ESR1: variants seen among roughly 807,000 people sequenced by gnomAD.
The protein encoded by ESR1 is estrogen receptor.
Under a neutral mutation model 52.7 loss-of-function variants are expected in ESR1, and 12 were observed. The observed-to-expected ratio is 0.23, with a 90% CI of 0.15 to 0.37. The LOEUF (loss-of-function observed/expected upper bound fraction) is 0.37, where lower values mean the gene tolerates loss of function less well. Among genes scored for constraint, ESR1 ranks in the 10% least tolerant of loss-of-function variants. ESR1 has a pLI of 1.00. For missense variants in ESR1, 584 were observed against 779.7 expected, an observed-to-expected ratio of 0.75 and a Z score of 2.99; for synonymous variants, 305 against 316.8, an observed-to-expected ratio of 0.96 and a Z score of 0.39.
intron 1 of ESR1, among the ~76,000 whole-genome samples, chr6:151,830,299 C>G (rs532128570): frequency 6.6e-6 from 1 of 152,134 alleles, no homozygotes; most frequent in African/African-American, 2.4e-5. Context: ...CTCTTCTCCT[C>G]CATTTGTATC....
exon 7 of ESR1, chr6:152,125,932 C>T (rs1354104046): frequency 6.6e-6 from 1 of 152,232 alleles, no homozygotes; most frequent in Non-Finnish European, 1.5e-5. Context: ...TTAATGCACC[C>T]CTCATCTTTG....
At chr6:151,869,302 AGCTGAATGCTGCATGGCATT>A (rs2083655124) in intron 2 of ESR1, among the ~76,000 whole-genome samples, 1 of 152,172 alleles carries the variant, frequency 6.6e-6, no homozygotes. Flanking sequence ...TCTACAGGTG[AGCTGAATGCTGCATGGCATT>A]GAAGTAATCA....
chr6:151,791,103 T>A (rs901979640), intron 2 of ESR1, among the ~76,000 whole-genome samples: 1 of 151,958 alleles, frequency 6.6e-6, no homozygotes, highest in Non-Finnish European at 1.5e-5. Flanking sequence ...AGGTGTGCAG[T>A]TTTAGGGGTC....
chr6:151,728,049 G>C (rs1432039506), intron 2 of ESR1, among the ~76,000 whole-genome samples: 2 of 152,144 alleles, frequency 1.3e-5, no homozygotes, highest in Non-Finnish European at 2.9e-5. Flanking sequence ...ATATCCAATG[G>C]GAGAGGAGAT....
chr6:151,696,471 CAAATAAATAAATAAATAAAT>C (rs59140265), intron 1 of ESR1, among the ~76,000 whole-genome samples: 101 of 136,478 alleles, frequency 7.4e-4, no homozygotes, highest in Middle Eastern at 3.6e-3. Flanking sequence ...GACTCCATCT[CAAATAAATAAATAAATAAAT>C]AAATAAATAA....
intron 5 of ESR1, among the ~76,000 whole-genome samples, chr6:152,035,023 G>T (rs2045157516): frequency 6.6e-6 from 1 of 152,178 alleles, no homozygotes; most frequent in African/African-American, 2.4e-5. Flanking sequence ...TATTTTGTTA[G>T]TCATGAGATA....
intron 5 of ESR1, among the ~76,000 whole-genome samples, chr6:152,059,783 GT>G (rs1286477189): frequency 6.6e-6 from 1 of 152,134 alleles, no homozygotes; most frequent in Non-Finnish European, 1.5e-5. Context: ...TGAATGAAAT[GT>G]TTTTAACAAC....
chr6:151,792,955 G>A (rs1249312324), intron 2 of ESR1, among the ~76,000 whole-genome samples: 1 of 152,064 alleles, frequency 6.6e-6, no homozygotes, highest in Admixed American at 6.5e-5. Flanking sequence ...CAGATCATGA[G>A]GTCAGGAGAT....
chr6:151,870,031 C>A (rs1238096817), intron 2 of ESR1, among the ~76,000 whole-genome samples: 3 of 152,114 alleles, frequency 2.0e-5, no homozygotes, highest in Non-Finnish European at 4.4e-5. Context: ...CTGAGACAGC[C>A]AAATCCTATT....
intron 3 of ESR1, among the ~76,000 whole-genome samples, chr6:151,925,621 A>G (rs1415871002): frequency 6.6e-6 from 1 of 152,156 alleles, no homozygotes; most frequent in Non-Finnish European, 1.5e-5. Context: ...ATACATACAT[A>G]CATACATACG....
intron 2 of ESR1, among the ~76,000 whole-genome samples, chr6:151,868,680 A>G (rs1790400124): frequency 6.6e-6 from 1 of 151,874 alleles, no homozygotes; most frequent in African/African-American, 2.4e-5. Context: ...TGGTGTAGAT[A>G]TACCATATAT....
In ESR1 at chr6:151,824,372, G is replaced by A. The variant is rs572082498; in HGVS notation, c.452+16008G>A. Among the ~76,000 whole-genome samples the A allele has an allele frequency of 7.9e-5, 12 of 152,142 alleles. No individual in the cohort carries two copies. The South Asian group carries it at 2.3e-3, about 29-fold the overall frequency. ...AGTTCTTTGTAGATTCTGGATATTA[G>A]CCCTTTATCAGATGAGTAGATTGCA... is the stretch of plus-strand genomic sequence containing the variant. On this transcript the variant is annotated intron_variant, in intron 1 of 7. Transcript: ENST00000206249.
At chr6:151,744,546 A>T (rs900032826) in intron 2 of ESR1, among the ~76,000 whole-genome samples, 1 of 152,202 alleles carries the variant, frequency 6.6e-6, no homozygotes, top group Non-Finnish European at 1.5e-5. Flanking sequence ...ATTTTTTTCC[A>T]TTTAAAAATT....
chr6:152,007,912 C>A (rs1288760449), intron 4 of ESR1, among the ~76,000 whole-genome samples: 1 of 152,062 alleles, frequency 6.6e-6, no homozygotes, highest in Non-Finnish European at 1.5e-5. Context: ...TTGAATGCCT[C>A]TAAATTATTA....
intron 2 of ESR1, among the ~76,000 whole-genome samples, chr6:151,785,435 T>C (rs898394325): frequency 6.6e-6 from 1 of 152,176 alleles, no homozygotes; most frequent in Non-Finnish European, 1.5e-5. Flanking sequence ...AGAGTAAGGG[T>C]ATACCTCTGT....
At chr6:151,991,822 C>CCCTCCAGGCTGCT (rs1367295019) in intron 4 of ESR1, among the ~76,000 whole-genome samples, 2 of 152,154 alleles carry the variant, frequency 1.3e-5, no homozygotes, top group Non-Finnish European at 2.9e-5. Context: ...AGCTTTCTTC[C>CCCTCCAGGCTGCT]CCTCCAGGCT....
chr6:151,726,095 T>G (rs1781819024), intron 2 of ESR1, among the ~76,000 whole-genome samples: 1 of 152,154 alleles, frequency 6.6e-6, no homozygotes, highest in Non-Finnish European at 1.5e-5. Context: ...ACCTTCAACT[T>G]AAAACCTCTG....
chr6:151,690,943 C>A (rs571180048), intron 1 of ESR1, among the ~76,000 whole-genome samples: 1 of 152,336 alleles, frequency 6.6e-6, no homozygotes, highest in South Asian at 2.1e-4. Flanking sequence ...ACAGCACACA[C>A]AGGCTGCCTG....
At chr6:151,829,518 C>T (rs1011620013) in intron 1 of ESR1, among the ~76,000 whole-genome samples, 4 of 152,160 alleles carry the variant, frequency 2.6e-5, no homozygotes, top group African/African-American at 4.8e-5. Flanking sequence ...CATCATTACA[C>T]GGTCATGGGA....
Sources: gnomAD v4.1 joint callset for allele counts (sites outside exome capture counted in the v4.1 genomes callset) on GRCh38, gnomAD v4.1.1 for gene constraint, MANE v1.5 for transcripts, NCBI Gene and HGNC (gene_info 2026-07-23, HGNC 2026-07-21) for gene names.